Variants in FILIP1L observed in about 807,000 individuals in gnomAD.
FILIP1L encodes the protein filamin A interacting protein 1 like.
In FILIP1L, 55 loss-of-function variants were observed where a neutral mutation model predicts 96.6. The ratio of observed to expected loss-of-function variants is 0.57; its 90% confidence interval spans 0.46 to 0.71. FILIP1L has a LOEUF of 0.71. FILIP1L is among the 30% of genes least tolerant of loss of function. FILIP1L has a pLI of 0.00. For missense variants in FILIP1L, 1,304 were observed against 1,321.2 expected (o/e 0.99, Z 0.20); for synonymous variants, 467 against 473.9 (o/e 0.99, Z 0.19).
At chr3:100,057,169 T>C (rs2065479104) in intron 1 of FILIP1L, among the ~76,000 whole-genome samples, 1 of 152,146 alleles carries the variant, frequency 6.6e-6, no homozygotes, top group South Asian at 2.1e-4. Flanking sequence ...TGTATAATCT[T>C]TGCCTGCCAC....
intron 1 of FILIP1L, among the ~76,000 whole-genome samples, chr3:100,050,612 A>G (rs1036324520): frequency 6.6e-6 from 1 of 151,994 alleles, no homozygotes; most frequent in African/African-American, 2.4e-5. Context: ...GCTCACTGCA[A>G]CCTCCATCTC....
intron 1 of FILIP1L, among the ~76,000 whole-genome samples, chr3:100,092,299 G>C (rs1381677041): frequency 6.6e-6 from 1 of 152,158 alleles, no homozygotes; most frequent in Non-Finnish European, 1.5e-5. Context: ...ATGAAAGCAT[G>C]TGTCCCTGAA....
intron 1 of FILIP1L, among the ~76,000 whole-genome samples, chr3:100,062,119 TTTTTTTTTTTG>T: frequency 1.0e-5 from 1 of 99,026 alleles, no homozygotes; most frequent in South Asian, 3.9e-4. Context: ...TTTTTTTTTT[TTTTTTTTTTTG>T]AGACGGAGTG....
At chr3:100,055,989 T>A (rs1400954178) in intron 1 of FILIP1L, among the ~76,000 whole-genome samples, 1 of 152,184 alleles carries the variant, frequency 6.6e-6, no homozygotes, top group Admixed American at 6.5e-5. Context: ...ATCTTAGGCA[T>A]TCAGAGAAGG....
intron 1 of FILIP1L, among the ~76,000 whole-genome samples, chr3:99,948,350 A>G (rs539313112): frequency 1.3e-5 from 2 of 152,116 alleles, no homozygotes; most frequent in African/African-American, 4.8e-5. Context: ...AAATTAAAAA[A>G]TTTTTTAAAA....
At chr3:100,011,966 G>A (rs1710168826) in intron 1 of FILIP1L, among the ~76,000 whole-genome samples, 1 of 152,122 alleles carries the variant, frequency 6.6e-6, no homozygotes. Flanking sequence ...ATATTGTGTG[G>A]CTGCTTTCTG....
chr3:99,851,939 G>A (rs184740821), intron 4 of FILIP1L, among the ~76,000 whole-genome samples: 3 of 152,304 alleles, frequency 2.0e-5, no homozygotes, highest in Middle Eastern at 3.4e-3. Flanking sequence ...CGGTTTGGTA[G>A]GAAAGTGCTT....
intron 1 of FILIP1L, among the ~76,000 whole-genome samples, chr3:99,997,351 A>AAAT (rs1709713679): frequency 6.6e-6 from 1 of 152,222 alleles, no homozygotes; most frequent in South Asian, 2.1e-4. Context: ...ACAAACTAGA[A>AAAT]AACCTAGAGG....
chr3:99,917,786 A>C (rs1407676257), intron 4 of FILIP1L, among the ~76,000 whole-genome samples: 1 of 152,224 alleles, frequency 6.6e-6, no homozygotes, highest in African/African-American at 2.4e-5. Flanking sequence ...ATGGATGTAC[A>C]GATTTGGATT....
At chr3:100,013,418 A>G (rs1384774214) in intron 1 of FILIP1L, among the ~76,000 whole-genome samples, 4 of 150,024 alleles carry the variant, frequency 2.7e-5, no homozygotes, top group African/African-American at 7.4e-5. Flanking sequence ...TAATTTTTAT[A>G]TTTTTAGTAG....
intron 1 of FILIP1L, among the ~76,000 whole-genome samples, chr3:99,944,598 C>G (rs150701778): frequency 3.3e-5 from 5 of 152,142 alleles, no homozygotes; most frequent in African/African-American, 7.2e-5. Context: ...TTAAAGTAAC[C>G]GAAACCTAAA....
At chr3:100,072,177 A>G (rs144404973) in intron 1 of FILIP1L, among the ~76,000 whole-genome samples, 5 of 152,360 alleles carry the variant, frequency 3.3e-5, no homozygotes, top group African/African-American at 9.6e-5. Context: ...CTAAAGGTCT[A>G]CTGATCTTGG....
intron 1 of FILIP1L, among the ~76,000 whole-genome samples, chr3:100,060,868 A>C (rs1421980631): frequency 6.6e-6 from 1 of 152,150 alleles, no homozygotes; most frequent in African/African-American, 2.4e-5. Flanking sequence ...TCTCGAAAAA[A>C]TAAAAATAAA....
intron 4 of FILIP1L, among the ~76,000 whole-genome samples, chr3:99,866,566 C>CG (rs1944533636): frequency 1.3e-5 from 2 of 152,092 alleles, no homozygotes; most frequent in African/African-American, 2.4e-5. Flanking sequence ...TGTCATAAAT[C>CG]AGTAAACAAG....
In FILIP1L at chr3:99,848,386, TTAATTA is replaced by T. The variant is rs775903903; in HGVS notation, c.3284_3289del (p.Leu1095_Asn1097delinsTyr). ...ATTGGTTGTTTTGTTTAGTGCCCCG[TTAATTA>T]AGCCTTGAGTTCGGTTATCCTGCAG... On this transcript the variant is annotated inframe_deletion, in exon 5 of 6. Transcript: ENST00000477258. 64 of 1,614,182 alleles carry T rather than the reference TTAATTA, an allele frequency of 4.0e-5. 2 individuals carry two copies. In the Admixed American group the frequency reaches 6.8e-4, roughly 17 times the overall value.
At chr3:99,919,359 A>G (rs994283398) in intron 4 of FILIP1L, among the ~76,000 whole-genome samples, 7 of 150,656 alleles carry the variant, frequency 4.6e-5, no homozygotes, top group Non-Finnish European at 7.4e-5. Context: ...GTTTTACACA[A>G]TGAACAAATA....
At chr3:100,017,921 G>A (rs1386332755) in intron 1 of FILIP1L, among the ~76,000 whole-genome samples, 1 of 152,148 alleles carries the variant, frequency 6.6e-6, no homozygotes, top group Non-Finnish European at 1.5e-5. Flanking sequence ...GCAAATTGCA[G>A]ATTGTGGAAC....
At chr3:99,994,421 A>G (rs529050689) in intron 1 of FILIP1L, among the ~76,000 whole-genome samples, 5 of 152,346 alleles carry the variant, frequency 3.3e-5, no homozygotes, top group South Asian at 2.1e-4. Context: ...CTTACCAGTA[A>G]CTACAGAACA....
intron 1 of FILIP1L, among the ~76,000 whole-genome samples, chr3:100,021,914 A>T (rs1049113784): frequency 2.3e-5 from 2 of 86,590 alleles, no homozygotes; most frequent in African/African-American, 1.0e-4. Context: ...GCTAGATCCC[A>T]TTGTGTGTGT....
Sources: gnomAD v4.1 joint callset for allele counts (sites outside exome capture counted in the v4.1 genomes callset) on GRCh38, gnomAD v4.1.1 for gene constraint, MANE v1.5 for transcripts, NCBI Gene and HGNC (gene_info 2026-07-23, HGNC 2026-07-21) for gene names.